EIF4G3: variants seen among roughly 807,000 people sequenced by gnomAD.
EIF4G3 encodes eukaryotic translation initiation factor 4 gamma 3.
A neutral mutation model predicts 186.4 loss-of-function variants in EIF4G3; 34 were observed. That is an observed-to-expected ratio of 0.18 (90% CI 0.14 to 0.24). EIF4G3 has a LOEUF of 0.24. Among genes scored for constraint, EIF4G3 ranks in the 10% least tolerant of loss-of-function variants. The pLI is 1.00. For missense variants in EIF4G3, 1,536 were observed against 1,948.5 expected, an observed-to-expected ratio of 0.79 and a Z score of 3.99; for synonymous variants, 673 against 679.5, an observed-to-expected ratio of 0.99 and a Z score of 0.15.
Position 21,136,384 on chromosome 1 carries a change from G to A in EIF4G3, c.-272+39791C>T, listed in dbSNP as rs924877139. ...ACACAAAAATTAGCCAGGCATGGTGGTGGATGCCTGTAATCCCAGCTACTC... is the reference window on the plus strand; with the variant it reads ...ACACAAAAATTAGCCAGGCATGGTGATGGATGCCTGTAATCCCAGCTACTC... On this transcript the variant is annotated intron_variant, in intron 2 of 36. Transcript: ENST00000602326. 5.3e-5 allele frequency among the ~76,000 whole-genome samples: 8 copies of A among 152,154 alleles called. No individual in the cohort carries two copies. In the South Asian group the frequency reaches 8.3e-4, roughly 16 times the overall value.
At chr1:21,047,423 A>G (rs1405477933) in intron 4 of EIF4G3, among the ~76,000 whole-genome samples, 1 of 152,132 alleles carries the variant, frequency 6.6e-6, no homozygotes, top group African/African-American at 2.4e-5. Flanking sequence ...TAATAAGACA[A>G]CCTTTGTTCA....
intron 2 of EIF4G3, among the ~76,000 whole-genome samples, chr1:21,159,242 G>A (rs916517278): frequency 2.6e-5 from 4 of 151,962 alleles, no homozygotes; most frequent in Admixed American, 2.6e-4. Context: ...GGATCAGACT[G>A]GACAACAAAG....
At chr1:21,134,734 C>A (rs2097209063) in intron 2 of EIF4G3, among the ~76,000 whole-genome samples, 1 of 152,148 alleles carries the variant, frequency 6.6e-6, no homozygotes, top group East Asian at 1.9e-4. Context: ...CAGGATACCA[C>A]TTATCTCTGG....
intron 9 of EIF4G3, 85 bp downstream of exon 9, chr1:20,980,963 A>G (rs1215169094): frequency 4.4e-6 from 5 of 1,144,474 alleles, no homozygotes; most frequent in Non-Finnish European, 5.9e-6. Context: ...TAATACCACA[A>G]TTCATCCACC....
chr1:21,114,150 T>A (rs2096776118), intron 2 of EIF4G3, among the ~76,000 whole-genome samples: 1 of 148,708 alleles, frequency 6.7e-6, no homozygotes, highest in African/African-American at 2.4e-5. Flanking sequence ...AAGCTGTACT[T>A]TTTTTTTTTT....
chr1:21,085,339 T>C (rs2095929737), intron 3 of EIF4G3, among the ~76,000 whole-genome samples: 1 of 152,160 alleles, frequency 6.6e-6, no homozygotes, highest in South Asian at 2.1e-4. Context: ...ATAGTACTTT[T>C]TGAAAAAACT....
intron 2 of EIF4G3, among the ~76,000 whole-genome samples, chr1:21,158,751 A>ACT (rs199957107): frequency 7.3e-6 from 1 of 136,114 alleles, no homozygotes; most frequent in Non-Finnish European, 1.7e-5. Context: ...ACACACACAC[A>ACT]CTCTCTCTCT....
At chr1:20,903,884 T>C (rs758518424) in intron 15 of EIF4G3, among the ~76,000 whole-genome samples, 1 of 152,220 alleles carries the variant, frequency 6.6e-6, no homozygotes, top group Non-Finnish European at 1.5e-5. Context: ...ATGTTAAACC[T>C]TGAGTAAAAT....
intron 7 of EIF4G3, among the ~76,000 whole-genome samples, chr1:20,990,327 A>C (rs1284334142): frequency 6.6e-6 from 1 of 152,186 alleles, no homozygotes; most frequent in African/African-American, 2.4e-5. Context: ...ACCAGCAAAA[A>C]GATTACAACT....
At chr1:20,981,388 A>G in intron 8 of EIF4G3, 161 bp from the exon 9 acceptor site, 1 of 593,488 alleles carries the variant, frequency 1.7e-6, no homozygotes, top group Non-Finnish European at 2.9e-6. Context: ...GTTCCCAAAA[A>G]TATACCACAC....
intron 2 of EIF4G3, among the ~76,000 whole-genome samples, chr1:21,143,624 A>T (rs554005495): frequency 6.6e-6 from 1 of 152,290 alleles, no homozygotes; most frequent in Admixed American, 6.5e-5. Context: ...ATTATAATGA[A>T]CAAATTATTA....
chr1:21,068,375 T>TAAAAAAAAAAAA (rs869306512), intron 3 of EIF4G3, among the ~76,000 whole-genome samples: 4,953 of 67,580 alleles, frequency 0.073, 673 homozygotes, highest in Non-Finnish European at 0.11. Flanking sequence ...ACTCTGTCTT[T>TAAAAAAAAAAAA]AAAAAAAAAA....
At chr1:20,958,695 G>C (rs530626026) in intron 12 of EIF4G3, among the ~76,000 whole-genome samples, 2 of 152,260 alleles carry the variant, frequency 1.3e-5, no homozygotes, top group East Asian at 3.9e-4. Context: ...AATGAGTTCA[G>C]TAAAGCCTCA....
intron 26 of EIF4G3, among the ~76,000 whole-genome samples, chr1:20,854,551 A>T (rs1007284859): frequency 1.2e-4 from 18 of 150,672 alleles, no homozygotes; most frequent in African/African-American, 4.4e-4. Context: ...AAAAAAAAAA[A>T]AAAATCAGCC....
rs75866792 is a variant in EIF4G3 at position 20,919,223 on chromosome 1, C to G, written c.1664-14252G>C. On this transcript the variant is annotated intron_variant, in intron 14 of 36. Coordinates refer to ENST00000602326, the MANE Select transcript of EIF4G3 (RefSeq NM_001391906.1). ...AAACCCAACATTTATTTATTCTTTT[C>G]TTTTAGACAGGGTCTCACTTAGTCG... 8.0e-3 allele frequency among the ~76,000 whole-genome samples: 1,212 copies of G among 152,034 alleles called. 14 individuals carry two copies. The highest frequency in any genetic ancestry group is 0.028 in the African/African-American group (1,163 of 41,476).
intron 20 of EIF4G3, among the ~76,000 whole-genome samples, chr1:20,876,504 A>G (rs1410820967): frequency 1.3e-5 from 2 of 151,546 alleles, no homozygotes; most frequent in East Asian, 1.9e-4. Context: ...GCAAAACCAA[A>G]AAAACCTCTT....
intron 4 of EIF4G3, among the ~76,000 whole-genome samples, chr1:21,038,063 C>G (rs1415817129): frequency 6.6e-6 from 1 of 152,194 alleles, no homozygotes; most frequent in African/African-American, 2.4e-5. Context: ...CAGGGAAACA[C>G]TACTGAAATC....
chr1:21,060,248 C>A (rs2094820711), intron 3 of EIF4G3, among the ~76,000 whole-genome samples: 1 of 152,204 alleles, frequency 6.6e-6, no homozygotes. Flanking sequence ...CTGCATCCAG[C>A]CAGGGTGGAC....
intron 29 of EIF4G3, among the ~76,000 whole-genome samples, chr1:20,845,724 T>C (rs1310204868): frequency 6.6e-6 from 1 of 152,072 alleles, no homozygotes; most frequent in East Asian, 1.9e-4. Context: ...TAGTTTGAAG[T>C]AGGGCAGTGT....
Sources: gnomAD v4.1 joint callset for allele counts (sites outside exome capture counted in the v4.1 genomes callset) on GRCh38, gnomAD v4.1.1 for gene constraint, MANE v1.5 for transcripts, NCBI Gene and HGNC (gene_info 2026-07-23, HGNC 2026-07-21) for gene names.